The following EML4 variants were observed in gnomAD, a reference collection of about 807,000 sequenced individuals.
The protein encoded by EML4 is echinoderm microtubule-associated protein-like 4.
EML4 carries 72 observed loss-of-function variants against 129.0 expected under a neutral mutation model. The observed-to-expected ratio is 0.56, with a 90% CI of 0.46 to 0.68. The LOEUF is 0.68. Ranked by LOEUF, EML4 falls within the 30% of genes least tolerant of loss-of-function variation. The pLI, the probability that EML4 is intolerant of heterozygous loss-of-function variation, is 0.00. For missense variants in EML4, 1,363 were observed against 1,190.6 expected (o/e 1.14, Z -2.13); for synonymous variants, 532 against 405.0 (o/e 1.31, Z -3.77).
chr2:42,281,778 A>C (rs1667025298), intron 7 of EML4, among the ~76,000 whole-genome samples: 1 of 152,136 alleles, frequency 6.6e-6, no homozygotes, highest in Admixed American at 6.6e-5. Flanking sequence ...GAGCTTTCCT[A>C]ATTTCACCTA....
At chr2:42,324,960 C>G (rs141361359) in intron 19 of EML4, among the ~76,000 whole-genome samples, 2 of 152,280 alleles carry the variant, frequency 1.3e-5, no homozygotes, top group Non-Finnish European at 2.9e-5. Context: ...CCAAAACATT[C>G]TTTAGAGATA....
At chr2:42,307,329 G>A (rs528220640) in intron 17 of EML4, among the ~76,000 whole-genome samples, 33 of 152,332 alleles carry the variant, frequency 2.2e-4, no homozygotes, top group Non-Finnish European at 4.4e-4. Context: ...TTCTCTTGGA[G>A]TTGTAAGTAG....
At chr2:42,218,855 G>T (rs954646582) in intron 1 of EML4, among the ~76,000 whole-genome samples, 7 of 152,038 alleles carry the variant, frequency 4.6e-5, no homozygotes, top group Non-Finnish European at 8.8e-5. Flanking sequence ...AAAGAGAGGG[G>T]GTCTTGCTGT....
At chr2:42,231,094 G>T (rs1674313933) in intron 1 of EML4, among the ~76,000 whole-genome samples, 1 of 152,112 alleles carries the variant, frequency 6.6e-6, no homozygotes, top group East Asian at 1.9e-4. Context: ...TTACCTCCCA[G>T]CCTCACTTCA....
chr2:42,244,902 G>A (rs759335090), intron 1 of EML4, among the ~76,000 whole-genome samples: 1 of 151,924 alleles, frequency 6.6e-6, no homozygotes. Flanking sequence ...GAGCCTTTTC[G>A]TGAGAAAACC....
intron 11 of EML4, 123 bp from the exon 12 acceptor site, chr2:42,295,002 T>G (rs938136374): frequency 1.2e-6 from 1 of 862,404 alleles, no homozygotes; most frequent in Middle Eastern, 3.1e-4. Context: ...AAAATTGTCT[T>G]AGAAGAAGAG....
chr2:42,245,090 C>CTTTTTTTTTTT (rs960416568), intron 1 of EML4, among the ~76,000 whole-genome samples: 2 of 14,504 alleles, frequency 1.4e-4, no homozygotes, highest in Admixed American at 9.9e-4. Flanking sequence ...TTGAAATTTT[C>CTTTTTTTTTTT]TTTCTTTTTT....
intron 6 of EML4, among the ~76,000 whole-genome samples, chr2:42,269,643 G>A (rs1256957292): frequency 6.6e-6 from 1 of 152,128 alleles, no homozygotes; most frequent in East Asian, 1.9e-4. Flanking sequence ...GGAAGTGAAT[G>A]AAATATGAAG....
intron 1 of EML4, among the ~76,000 whole-genome samples, chr2:42,181,513 T>A (rs1670940720): frequency 6.6e-6 from 1 of 152,162 alleles, no homozygotes; most frequent in Non-Finnish European, 1.5e-5. Flanking sequence ...TTGGCCTGGC[T>A]GGTCTCAAAC....
intron 1 of EML4, among the ~76,000 whole-genome samples, chr2:42,207,281 C>T (rs1367450537): frequency 6.6e-6 from 1 of 152,086 alleles, no homozygotes; most frequent in East Asian, 1.9e-4. Flanking sequence ...TATGTATACA[C>T]ATACAACCTC....
Position 42,255,643 on chromosome 2 carries a change from TA to T in EML4, c.209-848del, listed in dbSNP as rs945183059. On this transcript the variant is annotated intron_variant, in intron 2 of 22. Coordinates refer to ENST00000318522, the MANE Select transcript of EML4 (RefSeq NM_019063.5). ...TTTGAGGATTAATGTAACTTATATG[TA>T]AAAAAAAAATTTCTTAAGAGGTTTC... Among the ~76,000 whole-genome samples, 163 of 150,606 alleles carry T rather than the reference TA, an allele frequency of 1.1e-3. 1 individual carries two copies. Among genetic ancestry groups the T allele is most frequent in the African/African-American group, 3.3e-3 (134 of 41,146 alleles).
intron 1 of EML4, among the ~76,000 whole-genome samples, chr2:42,215,136 C>T (rs995107423): frequency 5.3e-5 from 8 of 152,114 alleles, no homozygotes; most frequent in Admixed American, 1.3e-4. Flanking sequence ...TATGGCTCAC[C>T]GCAGCTTCAA....
At chr2:42,209,142 TATG>T (rs1672735542) in intron 1 of EML4, among the ~76,000 whole-genome samples, 1 of 152,214 alleles carries the variant, frequency 6.6e-6, no homozygotes, top group Non-Finnish European at 1.5e-5. Context: ...AAATCACTAA[TATG>T]ATACTAAAAG....
chr2:42,245,094 CT>C (rs56808218), intron 1 of EML4, among the ~76,000 whole-genome samples: 15 of 66,562 alleles, frequency 2.3e-4, no homozygotes, highest in African/African-American at 3.9e-4. Flanking sequence ...AATTTTCTTT[CT>C]TTTTTTTTTT....
At chr2:42,202,082 C>CAA (rs748080390) in intron 1 of EML4, among the ~76,000 whole-genome samples, 44 of 111,112 alleles carry the variant, frequency 4.0e-4, no homozygotes, top group African/African-American at 1.2e-3. Flanking sequence ...GACTCTGTCT[C>CAA]AAAAAAAAAA....
At chr2:42,290,747 A>T (rs1667593941) in intron 11 of EML4, among the ~76,000 whole-genome samples, 1 of 152,144 alleles carries the variant, frequency 6.6e-6, no homozygotes, top group Non-Finnish European at 1.5e-5. Context: ...AATTTTTTTT[A>T]ATTTTCAAAA....
rs187156639 is a variant in EML4 at position 42,228,333 on chromosome 2, G to A, written c.26-17172G>A. Among the ~76,000 whole-genome samples the A allele has an allele frequency of 1.3e-4, 20 of 152,236 alleles. No individual in the cohort carries two copies. The East Asian group carries it at 3.7e-3, about 28-fold the overall frequency. Reference sequence around the variant, plus strand: ...GGTCAGCACCCCTAACCCCTACATTGCTCAAGGATCGACATAGTTTTAGGA... The same window carrying A: ...GGTCAGCACCCCTAACCCCTACATTACTCAAGGATCGACATAGTTTTAGGA... On this transcript the variant is annotated intron_variant, in intron 1 of 22. Transcript: ENST00000318522.
chr2:42,195,530 C>A (rs1357432129), intron 1 of EML4, among the ~76,000 whole-genome samples: 1 of 152,064 alleles, frequency 6.6e-6, no homozygotes, highest in Admixed American at 6.6e-5. Context: ...TATAAAAATA[C>A]AAGACATAGA....
intron 1 of EML4, among the ~76,000 whole-genome samples, chr2:42,185,002 G>C (rs1193523151): frequency 6.6e-6 from 1 of 151,946 alleles, no homozygotes; most frequent in Non-Finnish European, 1.5e-5. Context: ...TTAACTTTTT[G>C]TTTTTATGTA....
Sources: allele counts gnomAD v4.1 joint callset (sites outside exome capture counted in the v4.1 genomes callset), GRCh38; gene constraint gnomAD v4.1.1; transcripts MANE v1.5; gene names NCBI Gene and HGNC (gene_info 2026-07-23, HGNC 2026-07-21).